SMIM35: variants seen among roughly 807,000 people sequenced by gnomAD.
SMIM35 encodes TMPRSS4 antisense RNA 1 (non-protein coding).
In SMIM35 at chr11:118,014,794, G is replaced by T. The variant is rs571357824; in HGVS notation, c.125-53C>A. 705 of 398,722 alleles carry T rather than the reference G, an allele frequency of 1.8e-3. 1 individual carries two copies. The highest frequency in any genetic ancestry group is 2.8e-3 in the Non-Finnish European group (627 of 226,010). 24.7% of individuals were successfully genotyped at this position (398,722 alleles called of 1,614,324 possible). A position where few individuals can be genotyped will look rare whatever the true frequency, so the allele number is the denominator to read the frequency against. ...TTAGCACCTCCAGGGGAAGCAGTCCGCCACCCTTCTAAGAACGTCTGGTGC... is the reference window on the plus strand; with the variant it reads ...TTAGCACCTCCAGGGGAAGCAGTCCTCCACCCTTCTAAGAACGTCTGGTGC... On this transcript the variant is annotated intron_variant, in intron 2 of 4. Coordinates refer to ENST00000689828, the MANE Select transcript of SMIM35 (RefSeq NM_001394165.1).
intron 1 of SMIM35, among the ~76,000 whole-genome samples, chr11:118,022,000 C>T (rs2058234449): frequency 6.6e-6 from 1 of 150,486 alleles, no homozygotes; most frequent in Admixed American, 6.6e-5. Context: ...TTCATCAAGA[C>T]AGATCATATG....
intron 1 of SMIM35, among the ~76,000 whole-genome samples, chr11:118,040,036 C>T (rs1348540216): frequency 8.5e-6 from 1 of 117,486 alleles, no homozygotes; most frequent in Non-Finnish European, 1.7e-5. Context: ...CAAAGCAAGA[C>T]CTTATCTCAA....
At chr11:118,023,122 T>C (rs898016811) in intron 1 of SMIM35, among the ~76,000 whole-genome samples, 2 of 151,922 alleles carry the variant, frequency 1.3e-5, no homozygotes, top group Admixed American at 6.6e-5. Flanking sequence ...CAGTCAAATA[T>C]TACCAGGCAC....
chr11:118,041,629 C>T (rs1007425918), intron 1 of SMIM35, among the ~76,000 whole-genome samples: 18 of 152,048 alleles, frequency 1.2e-4, no homozygotes, highest in African/African-American at 3.1e-4. Flanking sequence ...AATAAAGACC[C>T]GGTACACCAA....
chr11:118,070,021 A>G (rs761771869), intron 1 of SMIM35, among the ~76,000 whole-genome samples: 34 of 152,204 alleles, frequency 2.2e-4, no homozygotes, highest in Admixed American at 2.6e-4. Flanking sequence ...AGATCATGCC[A>G]TTCACCAAGG....
rs2058119437 is a variant in SMIM35 at position 118,005,942 on chromosome 11, G to A, written c.*468C>T. 6.6e-6 allele frequency: 1 copy of A among 152,452 alleles called. No individual in the cohort carries two copies. The highest frequency in any genetic ancestry group is 2.1e-4 in the South Asian group (1 of 4,838). 9.4% of individuals were successfully genotyped at this position (152,452 alleles called of 1,614,324 possible). A position where few individuals can be genotyped will look rare whatever the true frequency, so the allele number is the denominator to read the frequency against. On this transcript the variant is annotated 3_prime_UTR_variant, in exon 5 of 5. Transcript: ENST00000689828. ...GAGACTTTGTCAGGCCAGGAGGACGGGAGGCACCGACTGTATGGGCTGTCA... is the reference window on the plus strand; with the variant it reads ...GAGACTTTGTCAGGCCAGGAGGACGAGAGGCACCGACTGTATGGGCTGTCA...
chr11:118,037,748 G>A (rs1336587353), intron 1 of SMIM35, among the ~76,000 whole-genome samples: 1 of 152,188 alleles, frequency 6.6e-6, no homozygotes, highest in African/African-American at 2.4e-5. Context: ...GAACTGAGTA[G>A]AGGTTGTAAT....
At position 118,006,379 on chromosome 11, in the gene SMIM35, G is replaced by A. The variant is rs768104023; in HGVS notation, c.*34-3C>T. 2.6e-5 allele frequency: 4 copies of A among 152,248 alleles called. No individual in the cohort carries two copies. Among genetic ancestry groups the A allele is most frequent in the Admixed American group, 6.5e-5 (1 of 15,286 alleles). 9.4% of individuals were successfully genotyped at this position (152,248 alleles called of 1,614,324 possible). A position where few individuals can be genotyped will look rare whatever the true frequency, so the allele number is the denominator to read the frequency against. On this transcript the variant is annotated splice_polypyrimidine_tract_variant and splice_region_variant and intron_variant, in intron 4 of 4. Coordinates refer to ENST00000689828, the MANE Select transcript of SMIM35 (RefSeq NM_001394165.1). ...GTTCTGGGCCTCAGTCTTCTCATCT[G>A]TGAAATGGACACAGTAGTCTTCAAG...
chr11:118,030,550 C>T (rs1034986653), intron 1 of SMIM35, among the ~76,000 whole-genome samples: 1 of 152,116 alleles, frequency 6.6e-6, no homozygotes, highest in Non-Finnish European at 1.5e-5. Context: ...TGGGCCCAGC[C>T]GCCATTGGTG....
chr11:118,021,465 T>C (rs1004041695), intron 1 of SMIM35, among the ~76,000 whole-genome samples: 8 of 152,160 alleles, frequency 5.3e-5, no homozygotes, highest in African/African-American at 1.9e-4. Context: ...TAATTTCCAA[T>C]TATTTATTAA....
chr11:118,027,166 T>C (rs1305078390), intron 1 of SMIM35, among the ~76,000 whole-genome samples: 1 of 144,654 alleles, frequency 6.9e-6, no homozygotes, highest in East Asian at 2.4e-4. Flanking sequence ...TAGCTGGGAC[T>C]ACAGGCGCCC....
chr11:118,058,348 A>T (rs749215006), intron 1 of SMIM35, among the ~76,000 whole-genome samples: 8 of 152,046 alleles, frequency 5.3e-5, no homozygotes, highest in Non-Finnish European at 1.2e-4. Flanking sequence ...TCCCAGTCTC[A>T]GGTTCAGTAT....
intron 1 of SMIM35, among the ~76,000 whole-genome samples, chr11:118,021,968 G>A (rs771163927): frequency 4.0e-5 from 6 of 150,500 alleles, no homozygotes; most frequent in Non-Finnish European, 2.9e-5. Flanking sequence ...AATACACATT[G>A]TTCTCAAGTA....
chr11:118,071,014 G>T (rs1944563094), intron 1 of SMIM35, among the ~76,000 whole-genome samples: 1 of 152,184 alleles, frequency 6.6e-6, no homozygotes, highest in African/African-American at 2.4e-5. Flanking sequence ...CACGTTATAG[G>T]GTGGCTGCAA....
intron 1 of SMIM35, among the ~76,000 whole-genome samples, chr11:118,085,752 T>A (rs929300185): frequency 8.5e-5 from 13 of 152,150 alleles, no homozygotes; most frequent in African/African-American, 3.1e-4. Context: ...GCGGGACCCC[T>A]TCTGGCCCTC....
intron 1 of SMIM35, among the ~76,000 whole-genome samples, chr11:118,060,676 C>T (rs1320674175): frequency 6.7e-6 from 1 of 149,974 alleles, no homozygotes; most frequent in Non-Finnish European, 1.5e-5. Flanking sequence ...CTGTCTGGGA[C>T]CCCCTTCTAC....
At chr11:118,052,282 G>T (rs980694640) in intron 1 of SMIM35, among the ~76,000 whole-genome samples, 1 of 152,134 alleles carries the variant, frequency 6.6e-6, no homozygotes, top group Non-Finnish European at 1.5e-5. Flanking sequence ...GGCTGCTCAG[G>T]ACTCCAGGGG....
At chr11:118,076,632 G>C (rs143575081) in intron 1 of SMIM35, among the ~76,000 whole-genome samples, 3 of 151,968 alleles carry the variant, frequency 2.0e-5, no homozygotes, top group East Asian at 3.9e-4. Flanking sequence ...CCAGGGAAAG[G>C]GGGTACATCT....
At chr11:118,057,196 A>C (rs1030406090) in intron 1 of SMIM35, among the ~76,000 whole-genome samples, 3 of 152,196 alleles carry the variant, frequency 2.0e-5, no homozygotes, top group African/African-American at 7.2e-5. Flanking sequence ...AGAAGGAGGA[A>C]TAGAGTTCAG....
Sources: gnomAD v4.1 joint callset for allele counts (sites outside exome capture counted in the v4.1 genomes callset) on GRCh38, gnomAD v4.1.1 for gene constraint, MANE v1.5 for transcripts, NCBI Gene and HGNC (gene_info 2026-07-23, HGNC 2026-07-21) for gene names.